GRIN2B: variants seen among roughly 807,000 people sequenced by gnomAD.
The protein encoded by GRIN2B is glutamate receptor ionotropic, NMDA 2B.
Under a neutral mutation model 114.5 loss-of-function variants are expected in GRIN2B, and 5 were observed. The observed-to-expected ratio is 0.04, with a 90% CI of 0.02 to 0.09. The LOEUF (loss-of-function observed/expected upper bound fraction) is 0.09. Among genes scored for constraint, GRIN2B ranks in the 10% least tolerant of loss-of-function variants. The pLI is 1.00. For missense variants in GRIN2B, 1,108 were observed against 1,943.5 expected (o/e 0.57, Z 8.08); for synonymous variants, 787 against 745.1 (o/e 1.06, Z -0.92).
At chr12:13,900,100 A>G (rs1159543534) in intron 2 of GRIN2B, among the ~76,000 whole-genome samples, 2 of 152,248 alleles carry the variant, frequency 1.3e-5, no homozygotes, top group East Asian at 3.9e-4. Context: ...TCCTTCCTCT[A>G]CAAGTTCTTT....
At chr12:13,748,096 A>G (rs768792027) in intron 4 of GRIN2B, among the ~76,000 whole-genome samples, 7 of 152,208 alleles carry the variant, frequency 4.6e-5, no homozygotes, top group Admixed American at 6.5e-5. Context: ...CTGGGCCAGG[A>G]CGATCCAGCC....
intron 3 of GRIN2B, among the ~76,000 whole-genome samples, chr12:13,788,670 C>A (rs534980209): frequency 1.9e-5 from 2 of 107,612 alleles, no homozygotes; most frequent in Non-Finnish European, 3.9e-5. Flanking sequence ...CTTTCCTTTT[C>A]GAGGAACCCT....
chr12:13,694,662 T>TATATAC (rs1950244087), intron 4 of GRIN2B, among the ~76,000 whole-genome samples: 8 of 48,762 alleles, frequency 1.6e-4, no homozygotes, highest in African/African-American at 5.6e-5. Flanking sequence ...ATGTCATATA[T>TATATAC]ATATATATAT....
chr12:13,867,870 C>T (rs957448521), intron 2 of GRIN2B, among the ~76,000 whole-genome samples: 7 of 149,574 alleles, frequency 4.7e-5, no homozygotes, highest in African/African-American at 1.7e-4. Context: ...GTTGAAAATG[C>T]TGCTTCAGAT....
intron 8 of GRIN2B, among the ~76,000 whole-genome samples, chr12:13,612,738 A>G (rs747105302): frequency 2.4e-4 from 37 of 152,184 alleles, no homozygotes; most frequent in Non-Finnish European, 4.1e-4. Flanking sequence ...ACTAGATACT[A>G]TATTCCAGAA....
At position 13,547,981 on chromosome 12, in the gene GRIN2B, A is replaced by ATATATATATATATGTATATATATTTT; in HGVS notation, c.*14801_*14802insAAAATATATATACATATATATATATA. 1.5e-5 allele frequency: 1 copy of ATATATATATATATGTATATATATTTT among 68,578 alleles called. No homozygotes were observed. The highest frequency in any genetic ancestry group is 2.9e-5 in the Non-Finnish European group (1 of 34,410). The allele number at this position is 68,578 out of a possible 1,614,324, so 4.2% of individuals were successfully genotyped here. A position where few individuals can be genotyped will look rare whatever the true frequency, so the allele number is the denominator to read the frequency against. ...TGTGTATATATATATATATATATAT[A>ATATATATATATATGTATATATATTTT]TTTTTTTTTTTTTTCTGAAAGCTAC... On this transcript the variant is annotated 3_prime_UTR_variant, in exon 14 of 14. Coordinates refer to ENST00000609686, the MANE Select transcript of GRIN2B (RefSeq NM_000834.5).
chr12:13,722,176 A>T (rs1415120694), intron 4 of GRIN2B, among the ~76,000 whole-genome samples: 1 of 152,152 alleles, frequency 6.6e-6, no homozygotes, highest in Non-Finnish European at 1.5e-5. Context: ...GCAGCTATAG[A>T]CAACTCTTTC....
At chr12:13,890,960 A>C (rs1462171078) in intron 2 of GRIN2B, among the ~76,000 whole-genome samples, 3 of 152,166 alleles carry the variant, frequency 2.0e-5, no homozygotes, top group Admixed American at 2.0e-4. Context: ...AGGCCTCTTA[A>C]GGCAATGGCT....
intron 4 of GRIN2B, among the ~76,000 whole-genome samples, chr12:13,738,450 T>C (rs1863222296): frequency 6.6e-6 from 1 of 152,172 alleles, no homozygotes; most frequent in Non-Finnish European, 1.5e-5. Context: ...GTTGCCAGTT[T>C]TACTGATGAA....
rs546152361 is a variant in GRIN2B at position 13,554,867 on chromosome 12, T to G, written c.*7916A>C. 6.6e-6 allele frequency: 1 copy of G among 152,172 alleles called. No homozygotes were observed. The highest frequency in any genetic ancestry group is 1.9e-4 in the East Asian group (1 of 5,180). 9.4% of individuals were successfully genotyped at this position (152,172 alleles called of 1,614,324 possible). On this transcript the variant is annotated 3_prime_UTR_variant, in exon 14 of 14. Transcript: ENST00000609686. ...AGCTTGAGTTCGGTGACGGAAGACA[T>G]GGTGATACCATTAAGCAAAAGGAGG...
intron 3 of GRIN2B, among the ~76,000 whole-genome samples, chr12:13,780,879 G>A (rs1315214709): frequency 6.8e-6 from 1 of 147,958 alleles, no homozygotes; most frequent in Non-Finnish European, 1.5e-5. Flanking sequence ...GCATAGTTAA[G>A]TGGCATGGTT....
At chr12:13,775,316 T>C (rs1043103395) in intron 3 of GRIN2B, among the ~76,000 whole-genome samples, 1 of 152,172 alleles carries the variant, frequency 6.6e-6, no homozygotes, top group Non-Finnish European at 1.5e-5. Flanking sequence ...TGTGGTAAGA[T>C]TGTCCAGGTA....
intron 2 of GRIN2B, among the ~76,000 whole-genome samples, chr12:13,912,915 G>C (rs1280074270): frequency 6.6e-6 from 1 of 152,086 alleles, no homozygotes; most frequent in African/African-American, 2.4e-5. Flanking sequence ...CTTAGAAAAC[G>C]AAGTAGGCAG....
intron 4 of GRIN2B, among the ~76,000 whole-genome samples, chr12:13,709,972 A>C (rs1208104923): frequency 6.6e-6 from 1 of 152,026 alleles, no homozygotes; most frequent in Non-Finnish European, 1.5e-5. Flanking sequence ...CATATAAACA[A>C]AAATGTTCAG....
At position 13,558,419 on chromosome 12, in the gene GRIN2B, C is replaced by CAAACA. The variant is rs1948499566; in HGVS notation, c.*4359_*4363dup. 1 of 148,534 alleles carries CAAACA rather than the reference C, an allele frequency of 6.7e-6. No homozygotes were observed. Among genetic ancestry groups the CAAACA allele is most frequent in the Non-Finnish European group, 1.5e-5 (1 of 67,420 alleles). 9.2% of individuals were successfully genotyped at this position (148,534 alleles called of 1,614,324 possible). A position where few individuals can be genotyped will look rare whatever the true frequency, so the allele number is the denominator to read the frequency against. The stretch of plus-strand genomic sequence containing the variant: ...ATAGTTTTTCCAAAAGCTTATTGCC[C>CAAACA]AAACAATCTGGTTATTCTATCTGTA... On this transcript the variant is annotated 3_prime_UTR_variant, in exon 14 of 14. Transcript: ENST00000609686.
intron 2 of GRIN2B, among the ~76,000 whole-genome samples, chr12:13,912,686 CT>C (rs1013706207): frequency 2.0e-5 from 3 of 151,976 alleles, no homozygotes; most frequent in Non-Finnish European, 4.4e-5. Context: ...GTTCAAACGA[CT>C]TTTTTTTCAG....
At chr12:13,838,339 A>G (rs1865314633) in intron 3 of GRIN2B, among the ~76,000 whole-genome samples, 1 of 152,138 alleles carries the variant, frequency 6.6e-6, no homozygotes, top group South Asian at 2.1e-4. Flanking sequence ...TCTGAGGAAA[A>G]AACCCTAGTC....
At chr12:13,919,234 G>C (rs1335265560) in intron 2 of GRIN2B, among the ~76,000 whole-genome samples, 1 of 152,152 alleles carries the variant, frequency 6.6e-6, no homozygotes, top group Non-Finnish European at 1.5e-5. Context: ...TTCAAAGTTT[G>C]GTTCTTAGAG....
In GRIN2B at chr12:13,562,731, C is replaced by A; in HGVS notation, c.*52G>T. ...CACCCTCCGTGACATGCGCATCACG[C>A]GACCCACAGCCTTACCCTCCCGTAC... On this transcript the variant is annotated 3_prime_UTR_variant, in exon 14 of 14. Coordinates refer to ENST00000609686, the MANE Select transcript of GRIN2B (RefSeq NM_000834.5). The A allele has an allele frequency of 6.9e-7, 1 of 1,446,358 alleles. No individual in the cohort carries two copies. The highest frequency in any genetic ancestry group is 9.7e-7 in the Non-Finnish European group (1 of 1,027,238). 89.6% of individuals were successfully genotyped at this position (1,446,358 alleles called of 1,614,324 possible).
Sources: gnomAD v4.1 joint callset for allele counts (sites outside exome capture counted in the v4.1 genomes callset) on GRCh38, gnomAD v4.1.1 for gene constraint, MANE v1.5 for transcripts, NCBI Gene and HGNC (gene_info 2026-07-23, HGNC 2026-07-21) for gene names.